Variants in CNTRL observed in about 807,000 individuals in gnomAD.
The protein encoded by CNTRL is 110 kDa centrosomal protein.
CNTRL carries 233 observed loss-of-function variants against 303.7 expected under a neutral mutation model. The ratio of observed to expected loss-of-function variants is 0.77; its 90% CI spans 0.69 to 0.86. The LOEUF (loss-of-function observed/expected upper bound fraction) is 0.86. Ranked by LOEUF, CNTRL falls within the 40% of genes least tolerant of loss-of-function variation. CNTRL has a pLI of 0.00. For synonymous variants in CNTRL, 900 were observed against 922.2 expected, an observed-to-expected ratio of 0.98 and a Z score of 0.44; for missense variants, 2,524 against 2,650.6, an observed-to-expected ratio of 0.95 and a Z score of 1.05.
chr9:121,092,756 T>G (rs1465733943), intron 4 of CNTRL, among the ~76,000 whole-genome samples: 1 of 97,336 alleles, frequency 1.0e-5, no homozygotes, highest in Non-Finnish European at 1.9e-5. Context: ...ATATAATATA[T>G]ATCTATATAT....
chr9:121,144,231 TCCC>T (rs1307820079), intron 20 of CNTRL, 149 bp downstream of exon 20: 1 of 664,202 alleles, frequency 1.5e-6, no homozygotes, highest in Non-Finnish European at 2.5e-6. Flanking sequence ...AAGATTATAT[TCCC>T]CCCATCACAA....
At position 121,083,927 on chromosome 9, in the gene CNTRL, G is replaced by A. The variant is rs1393657957; in HGVS notation, c.-32+3449G>A. 2.6e-5 allele frequency among the ~76,000 whole-genome samples: 4 copies of A among 152,276 alleles called. No homozygotes were observed. In the East Asian group the frequency reaches 7.7e-4, roughly 29 times the overall value. On this transcript the variant is annotated intron_variant, in intron 2 of 43. Coordinates refer to ENST00000373855, the MANE Select transcript of CNTRL (RefSeq NM_007018.6). ...GTTGACCAAAACATTGTTATGTGAT[G>A]CGTGACTGTATGTATTTCACAATAT...
Position 121,167,596 on chromosome 9 carries a change from A to G in CNTRL, c.5763A>G (p.Glu1921=). Residue 1921 remains glutamate (E), a synonymous_variant, in exon 37 of 44, where the codon GAA becomes GAG. Coordinates refer to ENST00000373855, the MANE Select transcript of CNTRL (RefSeq NM_007018.6). ...ATAGGTTTGAAGACTGTCAGAAAGA[A>G]GAGGAGACAAAACAACAACAACTTC... ...WANRFEDCQK[E]EETKQQQLQV... 3 of 1,614,226 alleles carry G rather than the reference A, an allele frequency of 1.9e-6. No homozygotes were observed. The highest frequency in any genetic ancestry group is 2.5e-6 in the Non-Finnish European group (3 of 1,180,016).
At chr9:121,123,745 C>T (rs1418905145) in intron 12 of CNTRL, among the ~76,000 whole-genome samples, 186 bp from the exon 13 acceptor site, 1 of 152,168 alleles carries the variant, frequency 6.6e-6, no homozygotes, top group Non-Finnish European at 1.5e-5. Flanking sequence ...GAAATGATTT[C>T]CGTATCAAGT....
At chr9:121,088,081 T>C (rs2048416875) in intron 2 of CNTRL, among the ~76,000 whole-genome samples, 1 of 152,226 alleles carries the variant, frequency 6.6e-6, no homozygotes. Context: ...AGCTGGAGCA[T>C]GTGTCAATTC....
Position 121,113,527 on chromosome 9 carries a change from A to G in CNTRL, c.1148A>G (p.Asp383Gly). 6.3e-7 allele frequency: 1 copy of G among 1,588,852 alleles called. No individual in the cohort carries two copies. The highest frequency in any genetic ancestry group is 1.2e-5 in the South Asian group (1 of 85,842). ...TATGCTGAAATTGATAAAGCCCCAG[A>G]TGAAAGCCCTTACATTGGCAAATCC... is the stretch of plus-strand genomic sequence containing the variant. ...SEYAEIDKAP[D>G]ESPYIGKSRY... is the part of the protein sequence containing the mutation. The change falls in exon 10 of 44, where the codon GAT (aspartate) becomes GGT (glycine). Residue 383 changes from aspartate (D) to glycine (G), a missense_variant. Asp to Gly is a moderately conservative substitution (Grantham distance 94, BLOSUM62 -1). Coordinates refer to ENST00000373855, the MANE Select transcript of CNTRL (RefSeq NM_007018.6).
intron 32 of CNTRL, chr9:121,161,513 CTGTT>C: frequency 3.0e-6 from 1 of 331,798 alleles, no homozygotes; most frequent in East Asian, 4.3e-5. Context: ...AAATGTTTGT[CTGTT>C]TATTTATTTA....
At chr9:121,145,060 A>G (rs2051759121) in intron 21 of CNTRL, 101 bp downstream of exon 21, 4 of 1,180,086 alleles carry the variant, frequency 3.4e-6, no homozygotes, top group Non-Finnish European at 3.7e-6. Flanking sequence ...CTGAAGTGCA[A>G]TCAATAGTTA....
intron 14 of CNTRL, among the ~76,000 whole-genome samples, chr9:121,127,360 A>G (rs1247829047): frequency 6.6e-6 from 1 of 152,184 alleles, no homozygotes; most frequent in East Asian, 1.9e-4. Context: ...GGGTCAGAGT[A>G]TGTCCATCCT....
Position 121,175,230 on chromosome 9 carries a change from C to G in CNTRL, c.6954+6C>G, listed in dbSNP as rs2053471138. 6.2e-7 allele frequency: 1 copy of G among 1,613,240 alleles called. No homozygotes were observed. Among genetic ancestry groups the G allele is most frequent in the East Asian group, 2.2e-5 (1 of 44,868 alleles). On this transcript the variant is annotated splice_donor_region_variant and intron_variant, in intron 43 of 43. Coordinates refer to ENST00000373855, the MANE Select transcript of CNTRL (RefSeq NM_007018.6). ...CTCAACTTGGACAAAATCAGGTAAGCAGCAGCTCTTTTTAAAAACAAAACA... is the reference window on the plus strand; with the variant it reads ...CTCAACTTGGACAAAATCAGGTAAGGAGCAGCTCTTTTTAAAAACAAAACA...
At chr9:121,138,744 TC>T in intron 16 of CNTRL, 65 bp downstream of exon 16, 1 of 1,544,364 alleles carries the variant, frequency 6.5e-7, no homozygotes, top group Non-Finnish European at 8.8e-7. Context: ...ATATCTTTAG[TC>T]AGGCACTTAG....
chr9:121,152,279 T>C, intron 25 of CNTRL: 1 of 550,084 alleles, frequency 1.8e-6, no homozygotes, highest in Non-Finnish European at 3.3e-6. Context: ...TCAGTCATAG[T>C]TGGACTGTTT....
Position 121,177,288 on chromosome 9 carries a change from A to G in CNTRL, c.*102A>G. ...TGGTTTTTTTAATCAAGATGCAGTGAACTGAGATTCTGAAACTCCACTGTA... is the reference window on the plus strand; with the variant it reads ...TGGTTTTTTTAATCAAGATGCAGTGGACTGAGATTCTGAAACTCCACTGTA... On this transcript the variant is annotated 3_prime_UTR_variant, in exon 44 of 44. Transcript: ENST00000373855. 1 of 987,830 alleles carries G rather than the reference A, an allele frequency of 1.0e-6. No individual in the cohort carries two copies. The highest frequency in any genetic ancestry group is 2.1e-5 in the Admixed American group (1 of 47,598). 61.2% of individuals were successfully genotyped at this position (987,830 alleles called of 1,614,324 possible). A position where few individuals can be genotyped will look rare whatever the true frequency, so the allele number is the denominator to read the frequency against.
chr9:121,173,383 A>C lies in CNTRL; in HGVS notation c.6558A>C (p.Leu2186=), dbSNP rs541656380. ...TTCTTCCAGAACTACCAGCAGATCT[A>C]GAAGCTATTTTGGAAAGAAACGAAA... is the stretch of plus-strand genomic sequence containing the variant. ...NQFLPELPAD[L]EAILERNENL... The change falls in exon 41 of 44, where the codon CTA becomes CTC. Residue 2186 remains leucine, a synonymous_variant. Transcript: ENST00000373855. 1 of 1,614,176 alleles carries C rather than the reference A, an allele frequency of 6.2e-7. No individual in the cohort carries two copies. Among genetic ancestry groups the C allele is most frequent in the East Asian group, 2.2e-5 (1 of 44,888 alleles).
intron 2 of CNTRL, among the ~76,000 whole-genome samples, chr9:121,085,424 CAGAG>C (rs138399881): frequency 5.8e-4 from 87 of 149,974 alleles, no homozygotes; most frequent in Middle Eastern, 3.4e-3. Flanking sequence ...AATATGCATA[CAGAG>C]AGAGAGAGAG....
intron 4 of CNTRL, among the ~76,000 whole-genome samples, chr9:121,094,155 C>T (rs1316383109): frequency 7.1e-6 from 1 of 140,922 alleles, no homozygotes; most frequent in African/African-American, 2.5e-5. Flanking sequence ...AGAAAGCTAT[C>T]TCTCTTAGTC....
chr9:121,173,739 T>C lies in CNTRL; in HGVS notation c.6747+2T>C, dbSNP rs1285227542. Reference sequence around the variant, plus strand: ...CGTCACCGGGAAGACCGACTCAAGGTTGCCCTTTAAAACAAACAAAAAATC... The same window carrying C: ...CGTCACCGGGAAGACCGACTCAAGGCTGCCCTTTAAAACAAACAAAAAATC... On this transcript the variant is annotated splice_donor_variant, in intron 42 of 43. Coordinates refer to ENST00000373855, the MANE Select transcript of CNTRL (RefSeq NM_007018.6). LOFTEE classifies it high-confidence loss of function. 1 of 1,613,904 alleles carries C rather than the reference T, an allele frequency of 6.2e-7. No individual in the cohort carries two copies. The highest frequency in any genetic ancestry group is 8.5e-7 in the Non-Finnish European group (1 of 1,179,956).
intron 4 of CNTRL, 60 bp from the exon 5 acceptor site, chr9:121,094,828 G>A: frequency 7.9e-7 from 1 of 1,262,146 alleles, no homozygotes; most frequent in Non-Finnish European, 1.1e-6. Flanking sequence ...ATAAGTAAAT[G>A]TTGTACTTTA....
intron 2 of CNTRL, among the ~76,000 whole-genome samples, chr9:121,086,178 C>T (rs2048333610): frequency 6.6e-6 from 1 of 152,112 alleles, no homozygotes; most frequent in South Asian, 2.1e-4. Context: ...ATTTATTCAA[C>T]AAATATGTAT....
Sources: gnomAD v4.1 joint callset for allele counts (sites outside exome capture counted in the v4.1 genomes callset) on GRCh38, gnomAD v4.1.1 for gene constraint, MANE v1.5 for transcripts, NCBI Gene and HGNC (gene_info 2026-07-23, HGNC 2026-07-21) for gene names.